USPL1: variants seen among roughly 807,000 people sequenced by gnomAD.
The protein encoded by USPL1 is ubiquitin specific peptidase like 1, also known as SUMO-specific isopeptidase USPL1.
USPL1 carries 27 observed loss-of-function variants against 51.5 expected under a neutral mutation model. The ratio of observed to expected loss-of-function variants is 0.52; its 90% confidence interval spans 0.39 to 0.72. The LOEUF (loss-of-function observed/expected upper bound fraction) is 0.72. USPL1 is among the 30% of genes least tolerant of loss of function. The pLI, the probability that USPL1 is intolerant of heterozygous loss-of-function variation, is 0.00. For missense variants in USPL1, 1,226 were observed against 1,268.0 expected, an observed-to-expected ratio of 0.97 and a Z score of 0.50; for synonymous variants, 451 against 459.6, an observed-to-expected ratio of 0.98 and a Z score of 0.24.
chr13:30,639,930 ACCTCCG>A (rs1950924687), intron 5 of USPL1, among the ~76,000 whole-genome samples: 1 of 152,022 alleles, frequency 6.6e-6, no homozygotes, highest in Non-Finnish European at 1.5e-5. Flanking sequence ...CTTTTGCTCC[ACCTCCG>A]CCATGGGCCT....
chr13:30,652,555 G>A (rs192533904), intron 7 of USPL1, among the ~76,000 whole-genome samples: 4 of 152,242 alleles, frequency 2.6e-5, no homozygotes, highest in Admixed American at 6.5e-5. Flanking sequence ...AATTATAGTT[G>A]TCTTGAAGTT....
At position 30,658,690 on chromosome 13, in the gene USPL1, T is replaced by C. The variant is rs1951208028; in HGVS notation, c.2613T>C (p.Gly871=). The change falls in exon 9 of 9, where the codon GGT becomes GGC. Residue 871 remains glycine, a synonymous_variant. Transcript: ENST00000255304. ...AQLNHSSYGN[G]ISSANHEDLV... Reference sequence around the variant, plus strand: ...TCAACCACAGTTCTTATGGGAATGGTATTTCTTCAGCAAACCATGAAGACT... The same window carrying C: ...TCAACCACAGTTCTTATGGGAATGGCATTTCTTCAGCAAACCATGAAGACT... 1 of 1,614,228 alleles carries C rather than the reference T, an allele frequency of 6.2e-7. No individual in the cohort carries two copies. Among genetic ancestry groups the C allele is most frequent in the African/African-American group, 1.3e-5 (1 of 75,056 alleles).
At chr13:30,656,707 C>T (rs578128136) in intron 8 of USPL1, among the ~76,000 whole-genome samples, 18 of 152,274 alleles carry the variant, frequency 1.2e-4, no homozygotes, top group Admixed American at 9.1e-4. Context: ...TGGGTCTTAA[C>T]GGTAATTCTG....
intron 3 of USPL1, among the ~76,000 whole-genome samples, chr13:30,623,342 C>T (rs1057010364): frequency 5.3e-5 from 8 of 151,964 alleles, no homozygotes; most frequent in Non-Finnish European, 1.5e-5. Context: ...GTCTTATAAG[C>T]CATTGTAAGC....
chr13:30,631,677 A>C (rs549770129), intron 4 of USPL1, among the ~76,000 whole-genome samples: 1 of 152,226 alleles, frequency 6.6e-6, no homozygotes, highest in East Asian at 1.9e-4. Flanking sequence ...AGATAGTGAG[A>C]TGGTGGCCCC....
chr13:30,625,478 GCT>G (rs1436840223), intron 3 of USPL1, among the ~76,000 whole-genome samples: 2 of 134,160 alleles, frequency 1.5e-5, no homozygotes, highest in African/African-American at 5.8e-5. Flanking sequence ...ACGGAGTCTC[GCT>G]CTGTCACGAG....
At chr13:30,642,539 T>TA in intron 5 of USPL1, 89 bp from the exon 6 acceptor site, 1 of 1,491,862 alleles carries the variant, frequency 6.7e-7, no homozygotes, top group South Asian at 1.3e-5. Context: ...ATGCTGTAAA[T>TA]ATAGTAAGAA....
chr13:30,633,471 A>G, intron 4 of USPL1, among the ~76,000 whole-genome samples: 1 of 152,046 alleles, frequency 6.6e-6, no homozygotes, highest in Admixed American at 6.6e-5. Context: ...AAGTTTAATT[A>G]AGAGTAAATT....
At chr13:30,653,976 G>T (rs1446175569) in intron 8 of USPL1, among the ~76,000 whole-genome samples, 1 of 152,062 alleles carries the variant, frequency 6.6e-6, no homozygotes, top group African/African-American at 2.4e-5. Flanking sequence ...TTTTCCTCCT[G>T]GGGATGGTTT....
At chr13:30,632,595 G>A (rs1282378873) in intron 4 of USPL1, among the ~76,000 whole-genome samples, 1 of 151,772 alleles carries the variant, frequency 6.6e-6, no homozygotes, top group Non-Finnish European at 1.5e-5. Flanking sequence ...TGTATTTTTA[G>A]TAGAGACAGG....
chr13:30,641,796 C>T (rs1156233761), intron 5 of USPL1, among the ~76,000 whole-genome samples: 1 of 152,200 alleles, frequency 6.6e-6, no homozygotes, highest in Non-Finnish European at 1.5e-5. Flanking sequence ...TGGCCACGCC[C>T]TCTCCACAGG....
At position 30,647,073 on chromosome 13, in the gene USPL1, C is replaced by G. The variant is rs77456109; in HGVS notation, c.1238+16C>G. 178 of 1,597,340 alleles carry G rather than the reference C, an allele frequency of 1.1e-4. 1 individual carries two copies. The East Asian group carries it at 2.9e-3, about 26-fold the overall frequency. ...TATTAGAAAAGTGAGTTAAAATTGTCTTATAATTTTTAGTACAAAATGAAG... is the reference window on the plus strand; with the variant it reads ...TATTAGAAAAGTGAGTTAAAATTGTGTTATAATTTTTAGTACAAAATGAAG... On this transcript the variant is annotated intron_variant, in intron 7 of 8. Transcript: ENST00000255304.
chr13:30,636,314 A>G (rs1040468326), intron 4 of USPL1, among the ~76,000 whole-genome samples: 1 of 151,802 alleles, frequency 6.6e-6, no homozygotes, highest in South Asian at 2.1e-4. Context: ...AATCTGGTTA[A>G]TTATATGTTT....
rs1454735027 is a variant in USPL1, at chr13:30,657,454, A to T, written c.1397-20A>T. ...GGTGGTTTTTGAATATCTAACTTTCACTTCTTTCCCATCTTCCAGGAAGTT... is the reference window on the plus strand; with the variant it reads ...GGTGGTTTTTGAATATCTAACTTTCTCTTCTTTCCCATCTTCCAGGAAGTT... On this transcript the variant is annotated intron_variant, in intron 8 of 8. Coordinates refer to ENST00000255304, the MANE Select transcript of USPL1 (RefSeq NM_005800.5). 6.4e-7 allele frequency: 1 copy of T among 1,555,762 alleles called. No homozygotes were observed. The highest frequency in any genetic ancestry group is 8.6e-7 in the Non-Finnish European group (1 of 1,156,774).
chr13:30,637,737 T>G lies in USPL1; in HGVS notation c.869-7T>G. The G allele has an allele frequency of 6.3e-7, 1 of 1,593,914 alleles. No homozygotes were observed. The highest frequency in any genetic ancestry group is 1.3e-5 in the African/African-American group (1 of 74,222). ...AGGAATTGATAATGTTCTCTGTATT[T>G]TCTTAGATGGAGATTGTAAAAAACT... On this transcript the variant is annotated splice_polypyrimidine_tract_variant and splice_region_variant and intron_variant, in intron 4 of 8. Transcript: ENST00000255304.
In USPL1 at chr13:30,658,688, G is replaced by A. The variant is rs373723657; in HGVS notation, c.2611G>A (p.Gly871Ser). 7 of 1,614,056 alleles carry A rather than the reference G, an allele frequency of 4.3e-6. No individual in the cohort carries two copies. The highest frequency in any genetic ancestry group is 5.9e-6 in the Non-Finnish European group (7 of 1,180,042). ...ACTCAACCACAGTTCTTATGGGAATGGTATTTCTTCAGCAAACCATGAAGA... is the reference window on the plus strand; with the variant it reads ...ACTCAACCACAGTTCTTATGGGAATAGTATTTCTTCAGCAAACCATGAAGA... ...AQLNHSSYGNGISSANHEDLV... is the reference protein window; with the variant it reads ...AQLNHSSYGNSISSANHEDLV... The change falls in exon 9 of 9, where the codon GGT becomes AGT. Residue 871 changes from glycine (G) to serine (S), a missense_variant. Coordinates refer to ENST00000255304, the MANE Select transcript of USPL1 (RefSeq NM_005800.5).
At chr13:30,635,168 G>C (rs1001455171) in intron 4 of USPL1, among the ~76,000 whole-genome samples, 23 of 152,172 alleles carry the variant, frequency 1.5e-4, no homozygotes, top group Non-Finnish European at 2.2e-4. Context: ...GATTTATAGG[G>C]AAGTCTTTAT....
intron 4 of USPL1, among the ~76,000 whole-genome samples, chr13:30,631,742 C>T (rs1950809220): frequency 6.6e-6 from 1 of 152,202 alleles, no homozygotes; most frequent in Non-Finnish European, 1.5e-5. Context: ...CTTCCCGCCT[C>T]AGCCTCCCAA....
chr13:30,659,130 C>T lies in USPL1; in HGVS notation c.3053C>T (p.Thr1018Ile), dbSNP rs1951218473. Residue 1018 changes from threonine (T) to isoleucine (I), a missense_variant, in exon 9 of 9, where the codon ACA becomes ATA. Thr to Ile is a moderately conservative substitution (Grantham distance 89). Transcript: ENST00000255304. ...GAATTCAATGATGTTTCCCAGAACA[C>T]ACATCTGAGACAGGACCATAATTAT... ...PSEFNDVSQN[T>I]HLRQDHNYCS... is the part of the protein sequence containing the mutation. 6.2e-6 allele frequency: 10 copies of T among 1,614,194 alleles called. No homozygotes were observed. The highest frequency in any genetic ancestry group is 8.5e-6 in the Non-Finnish European group (10 of 1,180,032).
Sources: gnomAD v4.1 joint callset for allele counts (sites outside exome capture counted in the v4.1 genomes callset) on GRCh38, gnomAD v4.1.1 for gene constraint, MANE v1.5 for transcripts, NCBI Gene and HGNC (gene_info 2026-07-23, HGNC 2026-07-21) for gene names.